Variants in L2HGDH observed in about 807,000 individuals in gnomAD.
L2HGDH encodes the protein L-2-hydroxyglutarate dehydrogenase, mitochondrial.
L2HGDH carries 34 observed loss-of-function variants against 51.5 expected under a neutral mutation model. The ratio of observed to expected loss-of-function variants is 0.66; its 90% CI spans 0.50 to 0.88. The LOEUF (loss-of-function observed/expected upper bound fraction) is 0.88. L2HGDH is among the 40% of genes least tolerant of loss of function. The pLI, the probability that L2HGDH is intolerant of heterozygous loss-of-function variation, is 0.00. For missense variants in L2HGDH, 558 were observed against 571.9 expected, an observed-to-expected ratio of 0.98 and a Z score of 0.25; for synonymous variants, 198 against 197.9, an observed-to-expected ratio of 1.00 and a Z score of -0.01.
chr14:50,265,080 G>C (rs1198736153), intron 9 of L2HGDH, among the ~76,000 whole-genome samples: 1 of 152,140 alleles, frequency 6.6e-6, no homozygotes, highest in Non-Finnish European at 1.5e-5. Context: ...AAAGGCTAAG[G>C]TAGCATCACA....
At chr14:50,305,156 G>C (rs1230321605) in intron 1 of L2HGDH, among the ~76,000 whole-genome samples, 1 of 152,128 alleles carries the variant, frequency 6.6e-6, no homozygotes, top group Admixed American at 6.5e-5. Context: ...TTAACTTGGG[G>C]GTCATAAGTG....
intron 6 of L2HGDH, 69 bp from the exon 7 acceptor site, chr14:50,269,399 G>A (rs1346889934): frequency 2.1e-6 from 3 of 1,450,434 alleles, no homozygotes; most frequent in Admixed American, 3.5e-5. Context: ...GGAAAAACAG[G>A]TGATAGAAAA....
intron 7 of L2HGDH, among the ~76,000 whole-genome samples, chr14:50,268,764 T>C (rs1458798058): frequency 6.6e-6 from 1 of 152,198 alleles, no homozygotes; most frequent in Admixed American, 6.5e-5. Context: ...TACCTCTGTC[T>C]TCTACTCCCT....
intron 1 of L2HGDH, among the ~76,000 whole-genome samples, chr14:50,309,509 C>G (rs2030924021): frequency 6.6e-6 from 1 of 151,486 alleles, no homozygotes; most frequent in Admixed American, 6.6e-5. Flanking sequence ...TTGCAGTGAG[C>G]CAAGATCATG....
In L2HGDH at chr14:50,255,997, C is replaced by T. The variant is rs1048578567; in HGVS notation, c.1197-8744G>A. On this transcript the variant is annotated intron_variant, in intron 9 of 9. Transcript: ENST00000267436. Reference sequence around the variant, plus strand: ...CAGGCTGGGTGACAGAGTGAGACTCCGTCTCAAAAAAAGAAAAAAAAATAT... The same window carrying T: ...CAGGCTGGGTGACAGAGTGAGACTCTGTCTCAAAAAAAGAAAAAAAAATAT... 4.0e-5 allele frequency among the ~76,000 whole-genome samples: 6 copies of T among 151,030 alleles called. No homozygotes were observed. The South Asian group carries it at 1.1e-3, about 26-fold the overall frequency.
chr14:50,249,798 T>C (rs557318429), intron 9 of L2HGDH, among the ~76,000 whole-genome samples: 1 of 151,360 alleles, frequency 6.6e-6, no homozygotes, highest in Admixed American at 6.6e-5. Flanking sequence ...GGGGACTTTG[T>C]CTTACACCTT....
rs2029895252 is a variant in L2HGDH at position 50,294,126 on chromosome 14, G to C, written c.529C>G (p.Pro177Ala). The change falls in exon 4 of 10, where the codon CCA becomes GCA. Residue 177 changes from proline to alanine, a missense_variant. This residue lies in a region of L2HGDH where 43 missense variants were observed against 72.9 expected (regional missense o/e 0.59). Transcript: ENST00000267436. ...IQQEDIKKKEPYCRGLMAIDC... is the reference protein window; with the variant it reads ...IQQEDIKKKEAYCRGLMAIDC... ...TGTTAATCACTTACCCTACAATATG[G>C]CTCCTTCTTTTTTATATCCTCCTGC... The C allele has an allele frequency of 3.1e-6, 5 of 1,613,518 alleles. No individual in the cohort carries two copies. Among genetic ancestry groups the C allele is most frequent in the Non-Finnish European group, 4.2e-6 (5 of 1,179,814 alleles).
chr14:50,267,568 G>T (rs553432851), intron 8 of L2HGDH, among the ~76,000 whole-genome samples, 185 bp downstream of exon 8: 79 of 149,400 alleles, frequency 5.3e-4, no homozygotes, highest in Admixed American at 3.4e-3. Flanking sequence ...TTTTTTTTTT[G>T]TTTGTTTGTT....
At chr14:50,272,409 C>G (rs1327237750) in intron 6 of L2HGDH, among the ~76,000 whole-genome samples, 1 of 152,190 alleles carries the variant, frequency 6.6e-6, no homozygotes, top group Non-Finnish European at 1.5e-5. Context: ...AGCCTGCCAC[C>G]TGGGTCACAT....
At chr14:50,309,652 G>A (rs1332798409) in intron 1 of L2HGDH, among the ~76,000 whole-genome samples, 2 of 150,096 alleles carry the variant, frequency 1.3e-5, no homozygotes, top group Non-Finnish European at 3.0e-5. Context: ...TAACACAACA[G>A]ATAACCTTGT....
intron 6 of L2HGDH, among the ~76,000 whole-genome samples, chr14:50,274,959 C>T (rs1411424362): frequency 8.9e-6 from 1 of 112,244 alleles, no homozygotes; most frequent in African/African-American, 3.7e-5. Context: ...ATGGTTGCTA[C>T]AGACTGGGAG....
At chr14:50,296,703 G>GT (rs2030081424) in intron 3 of L2HGDH, among the ~76,000 whole-genome samples, 2 of 151,198 alleles carry the variant, frequency 1.3e-5, no homozygotes, top group Admixed American at 1.3e-4. Context: ...AAACAGAAGA[G>GT]TAAGAATCAC....
chr14:50,246,881 C>T lies in L2HGDH; in HGVS notation c.*177G>A. 4 of 1,168,056 alleles carry T rather than the reference C, an allele frequency of 3.4e-6. No individual in the cohort carries two copies. Among genetic ancestry groups the T allele is most frequent in the Non-Finnish European group, 4.6e-6 (4 of 863,700 alleles). The allele number at this position is 1,168,056 out of a possible 1,614,324, so 72.4% of individuals were successfully genotyped here. ...GAGATTACAGGCATGCGCCACCATG[C>T]CTGGCTAATTTTTGTAGAAAATTAT... On this transcript the variant is annotated 3_prime_UTR_variant, in exon 10 of 10. Transcript: ENST00000267436.
intron 3 of L2HGDH, among the ~76,000 whole-genome samples, chr14:50,297,945 A>C (rs557928173): frequency 6.7e-6 from 1 of 148,916 alleles, no homozygotes; most frequent in African/African-American, 2.5e-5. Flanking sequence ...AAAAAAAAAA[A>C]CCAAAACGAA....
At chr14:50,286,321 C>T (rs1252118723) in intron 4 of L2HGDH, among the ~76,000 whole-genome samples, 1 of 152,094 alleles carries the variant, frequency 6.6e-6, no homozygotes, top group East Asian at 1.9e-4. Flanking sequence ...GGGCATACCG[C>T]TTATGGGGTA....
intron 4 of L2HGDH, among the ~76,000 whole-genome samples, chr14:50,289,529 C>A (rs192466959): frequency 2.2e-3 from 329 of 152,184 alleles, no homozygotes; most frequent in Non-Finnish European, 4.1e-3. Flanking sequence ...TCAGGGAGCA[C>A]CTCATTCATA....
At chr14:50,287,036 G>T in intron 4 of L2HGDH, 1 of 255,762 alleles carries the variant, frequency 3.9e-6, no homozygotes, top group Non-Finnish European at 6.1e-6. Flanking sequence ...TACCAGTTCT[G>T]AGTCAGATCT....
chr14:50,266,666 T>C (rs920873751), intron 8 of L2HGDH, among the ~76,000 whole-genome samples: 11 of 152,212 alleles, frequency 7.2e-5, no homozygotes, highest in Non-Finnish European at 1.6e-4. Flanking sequence ...AGTGAGACTC[T>C]GCAAAGCCTA....
At chr14:50,277,421 A>G (rs1890035457) in intron 6 of L2HGDH, among the ~76,000 whole-genome samples, 1 of 152,168 alleles carries the variant, frequency 6.6e-6, no homozygotes, top group Admixed American at 6.6e-5. Context: ...TATGCTTGAC[A>G]GAATCCCCTT....
Sources: allele counts gnomAD v4.1 joint callset (sites outside exome capture counted in the v4.1 genomes callset), GRCh38; gene constraint gnomAD v4.1.1; regional missense constraint gnomAD v4.1.1; transcripts MANE v1.5; gene names NCBI Gene and HGNC (gene_info 2026-07-23, HGNC 2026-07-21).